Variants in ERBB4 observed in about 807,000 individuals in gnomAD.
The protein encoded by ERBB4 is receptor tyrosine-protein kinase erbB-4.
Under a neutral mutation model 158.0 loss-of-function variants are expected in ERBB4, and 42 were observed. The ratio of observed to expected loss-of-function variants is 0.27; its 90% CI spans 0.21 to 0.34. The LOEUF (loss-of-function observed/expected upper bound fraction) is 0.34, where lower values mean the gene tolerates loss of function less well. ERBB4 is among the 10% of genes least tolerant of loss of function. The pLI, the probability that ERBB4 is intolerant of heterozygous loss-of-function variation, is 1.00. For missense variants in ERBB4, 1,333 were observed against 1,624.1 expected (o/e 0.82, Z 3.08); for synonymous variants, 583 against 558.7 (o/e 1.04, Z -0.61).
Position 211,377,703 on chromosome 2 carries a change from A to G in ERBB4, c.*5912T>C, listed in dbSNP as rs2062500045. ...AGGAACCAAATAAGATGAATAAAGC[A>G]AATAAGTTAATTTACTGGCAAAAAT... On this transcript the variant is annotated 3_prime_UTR_variant, in exon 28 of 28. Transcript: ENST00000342788. The G allele has an allele frequency of 4.3e-6, 1 of 232,510 alleles. No individual in the cohort carries two copies. Among genetic ancestry groups the G allele is most frequent in the Non-Finnish European group, 8.5e-6 (1 of 117,580 alleles). The allele number at this position is 232,510 out of a possible 1,614,324, so 14.4% of individuals were successfully genotyped here.
At chr2:211,398,495 T>G (rs1011994713) in intron 25 of ERBB4, among the ~76,000 whole-genome samples, 1 of 152,076 alleles carries the variant, frequency 6.6e-6, no homozygotes, top group African/African-American at 2.4e-5. Flanking sequence ...CTCCTTGATC[T>G]CATTCTTTCC....
intron 3 of ERBB4, among the ~76,000 whole-genome samples, chr2:211,809,526 G>A (rs1049667202): frequency 6.6e-6 from 1 of 152,124 alleles, no homozygotes; most frequent in Non-Finnish European, 1.5e-5. Context: ...CTGTGGGATT[G>A]GTGGTGATAT....
chr2:211,790,631 C>T (rs1219897361), intron 3 of ERBB4, among the ~76,000 whole-genome samples: 1 of 151,990 alleles, frequency 6.6e-6, no homozygotes, highest in Non-Finnish European at 1.5e-5. Context: ...CATAATCTTA[C>T]ACGTTAACAT....
chr2:211,497,629 T>C (rs1358271670), intron 20 of ERBB4, among the ~76,000 whole-genome samples: 1 of 152,032 alleles, frequency 6.6e-6, no homozygotes, highest in Admixed American at 6.6e-5. Flanking sequence ...GGCACATACA[T>C]TGAGTTTAAG....
chr2:211,668,232 G>T (rs951547751), intron 14 of ERBB4, among the ~76,000 whole-genome samples: 1 of 152,148 alleles, frequency 6.6e-6, no homozygotes, highest in South Asian at 2.1e-4. Flanking sequence ...TAACTGAAAT[G>T]TTGTTATGAA....
At chr2:212,513,751 G>A (rs1368282665) in intron 1 of ERBB4, among the ~76,000 whole-genome samples, 2 of 152,148 alleles carry the variant, frequency 1.3e-5, no homozygotes, top group Admixed American at 6.5e-5. Context: ...GGCGGAGCTT[G>A]CAGTGCGCCA....
chr2:212,056,366 C>T (rs563510413), intron 2 of ERBB4, among the ~76,000 whole-genome samples: 3 of 152,112 alleles, frequency 2.0e-5, no homozygotes, highest in African/African-American at 7.2e-5. Context: ...AGGGTATTAT[C>T]CAGGAGAACT....
intron 1 of ERBB4, among the ~76,000 whole-genome samples, chr2:212,487,706 C>T (rs1013460157): frequency 6.6e-6 from 1 of 151,864 alleles, no homozygotes; most frequent in Non-Finnish European, 1.5e-5. Flanking sequence ...AGAGAAATAA[C>T]AAATGTCTAT....
At chr2:212,057,483 C>A (rs1195138147) in intron 2 of ERBB4, among the ~76,000 whole-genome samples, 1 of 152,166 alleles carries the variant, frequency 6.6e-6, no homozygotes, top group Non-Finnish European at 1.5e-5. Context: ...ATACATACTT[C>A]TCAGCACCAC....
chr2:212,083,709 A>G (rs2078515543), intron 2 of ERBB4, among the ~76,000 whole-genome samples: 1 of 151,984 alleles, frequency 6.6e-6, no homozygotes, highest in Non-Finnish European at 1.5e-5. Flanking sequence ...CAATCCCATA[A>G]GTAAAGCATT....
At chr2:211,601,494 A>G (rs2068799078) in intron 19 of ERBB4, among the ~76,000 whole-genome samples, 2 of 149,058 alleles carry the variant, frequency 1.3e-5, no homozygotes, top group African/African-American at 4.9e-5. Flanking sequence ...ATGAATGAAG[A>G]AAAAAAAAAG....
chr2:211,409,318 G>A (rs1029443328), intron 25 of ERBB4, among the ~76,000 whole-genome samples: 3 of 152,042 alleles, frequency 2.0e-5, no homozygotes, highest in African/African-American at 7.2e-5. Context: ...ATGCTTTTCA[G>A]TTACCCTTGT....
At position 211,986,169 on chromosome 2, in the gene ERBB4, G is replaced by A. The variant is rs1300918122; in HGVS notation, c.235-38553C>T. Among the ~76,000 whole-genome samples the A allele has an allele frequency of 2.0e-5, 3 of 152,100 alleles. No individual in the cohort carries two copies. The East Asian group carries it at 5.8e-4, about 29-fold the overall frequency. On this transcript the variant is annotated intron_variant, in intron 2 of 27. Transcript: ENST00000342788. ...ATCACAGAAGTCAGGAGAAAGACCT[G>A]GAACAGATTCTTTCTCAGAGTATCA...
At position 211,981,156 on chromosome 2, in the gene ERBB4, A is replaced by G. The variant is rs532788007; in HGVS notation, c.235-33540T>C. ...TCAGCAATATGCTGAAAGCAAACCAATAAGTGAGAGAGGACGCTGTTGTCT... is the reference window on the plus strand; with the variant it reads ...TCAGCAATATGCTGAAAGCAAACCAGTAAGTGAGAGAGGACGCTGTTGTCT... On this transcript the variant is annotated intron_variant, in intron 2 of 27. Transcript: ENST00000342788. Among the ~76,000 whole-genome samples the G allele has an allele frequency of 1.6e-4, 24 of 152,280 alleles. No homozygotes were observed. The South Asian group carries it at 4.2e-3, about 26-fold the overall frequency.
At chr2:212,306,507 T>C (rs932919722) in intron 1 of ERBB4, among the ~76,000 whole-genome samples, 2 of 151,440 alleles carry the variant, frequency 1.3e-5, no homozygotes, top group Non-Finnish European at 1.5e-5. Context: ...GCAATGAAAT[T>C]GCATTTTCAT....
chr2:211,647,416 T>C (rs1298858417), intron 16 of ERBB4, among the ~76,000 whole-genome samples: 1 of 151,646 alleles, frequency 6.6e-6, no homozygotes, highest in Non-Finnish European at 1.5e-5. Flanking sequence ...TCCATATCTG[T>C]ATATTAAATT....
intron 20 of ERBB4, among the ~76,000 whole-genome samples, chr2:211,464,249 C>T (rs1002725693): frequency 1.6e-4 from 24 of 152,252 alleles, no homozygotes; most frequent in African/African-American, 5.8e-4. Context: ...GCCCAGCACC[C>T]AAGACAGTGC....
intron 1 of ERBB4, among the ~76,000 whole-genome samples, chr2:212,509,110 T>C (rs956397061): frequency 2.0e-5 from 3 of 152,046 alleles, no homozygotes; most frequent in Non-Finnish European, 4.4e-5. Flanking sequence ...AAGCTGAGAA[T>C]AGCCTAAATA....
intron 19 of ERBB4, among the ~76,000 whole-genome samples, chr2:211,569,820 G>C (rs995901077): frequency 6.6e-6 from 1 of 152,128 alleles, no homozygotes; most frequent in Non-Finnish European, 1.5e-5. Flanking sequence ...GTCATAAAGG[G>C]TTTAAGTCTT....
Sources: allele counts gnomAD v4.1 joint callset (sites outside exome capture counted in the v4.1 genomes callset), GRCh38; gene constraint gnomAD v4.1.1; transcripts MANE v1.5; gene names NCBI Gene and HGNC (gene_info 2026-07-23, HGNC 2026-07-21).